Variants in PRPF4 observed in about 807,000 individuals in gnomAD.
PRPF4 encodes the protein U4/U6 small nuclear ribonucleoprotein Prp4.
A neutral mutation model predicts 72.2 loss-of-function variants in PRPF4; 14 were observed. The ratio of observed to expected loss-of-function variants is 0.19; its 90% CI spans 0.13 to 0.30. The LOEUF is 0.30. Ranked by LOEUF, PRPF4 falls within the 10% of genes least tolerant of loss-of-function variation. The pLI, the probability that PRPF4 is intolerant of heterozygous loss-of-function variation, is 1.00. For missense variants in PRPF4, 478 were observed against 653.9 expected (o/e 0.73, Z 2.93); for synonymous variants, 225 against 232.2 (o/e 0.97, Z 0.28).
intron 7 of PRPF4, among the ~76,000 whole-genome samples, chr9:113,285,978 A>C (rs1468330649): frequency 1.3e-5 from 2 of 152,164 alleles, no homozygotes; most frequent in African/African-American, 4.8e-5. Context: ...CTTCCCTCAC[A>C]AGTGGATCCA....
intron 13 of PRPF4, 32 bp from the exon 14 acceptor site, chr9:113,291,435 C>G: frequency 6.4e-7 from 1 of 1,565,288 alleles, no homozygotes; most frequent in Non-Finnish European, 8.7e-7. Flanking sequence ...TACTTGAATT[C>G]CTCAAGCAAT....
rs1348970498 is a variant in PRPF4, at chr9:113,292,668, A to C, written c.*1008A>C. The C allele has an allele frequency of 6.6e-6, 1 of 152,208 alleles. No individual in the cohort carries two copies. Among genetic ancestry groups the C allele is most frequent in the African/African-American group, 2.4e-5 (1 of 41,446 alleles). The allele number at this position is 152,208 out of a possible 1,614,324, so 9.4% of individuals were successfully genotyped here. ...AAGCAAAACCATTGTGTCAGGAGTCAAACAAATGTTTAGAAAGCAAACATG... is the reference window on the plus strand; with the variant it reads ...AAGCAAAACCATTGTGTCAGGAGTCCAACAAATGTTTAGAAAGCAAACATG... On this transcript the variant is annotated 3_prime_UTR_variant, in exon 14 of 14. Coordinates refer to ENST00000374198, the MANE Select transcript of PRPF4 (RefSeq NM_001244926.2).
chr9:113,286,621 T>A, intron 8 of PRPF4, 84 bp from the exon 9 acceptor site: 1 of 1,506,926 alleles, frequency 6.6e-7, no homozygotes, highest in Non-Finnish European at 9.2e-7. Context: ...TTGAATACTC[T>A]GTATGTCCAC....
intron 13 of PRPF4, 81 bp downstream of exon 13, chr9:113,291,097 C>T: frequency 7.4e-7 from 1 of 1,354,394 alleles, no homozygotes; most frequent in South Asian, 1.2e-5. Context: ...CAGGCTTTAG[C>T]TTAACTGAGC....
Position 113,286,811 on chromosome 9 carries a change from G to C in PRPF4, c.915G>C (p.Lys305Asn). ...LASCAADGSVKLWSLDSDEPV... is the reference protein window; with the variant it reads ...LASCAADGSVNLWSLDSDEPV... ...CTTGTGCGGCTGATGGCTCTGTGAA[G>C]CTTTGGAGTCTCGACAGGTGAATAT... is the stretch of plus-strand genomic sequence containing the variant. Residue 305 changes from lysine (K) to asparagine (N), a missense_variant, in exon 9 of 14, where the codon AAG (lysine) becomes AAC (asparagine). By Grantham distance (94) the Lys-to-Asn change is moderately conservative (BLOSUM62 0). Transcript: ENST00000374198. 1.2e-6 allele frequency: 2 copies of C among 1,614,204 alleles called. No individual in the cohort carries two copies. Among genetic ancestry groups the C allele is most frequent in the South Asian group, 2.2e-5 (2 of 91,082 alleles).
At position 113,291,777 on chromosome 9, in the gene PRPF4, C is replaced by A; in HGVS notation, c.*117C>A. 2 of 1,023,892 alleles carry A rather than the reference C, an allele frequency of 2.0e-6. No individual in the cohort carries two copies. The highest frequency in any genetic ancestry group is 2.8e-6 in the Non-Finnish European group (2 of 721,194). The allele number at this position is 1,023,892 out of a possible 1,614,324, so 63.4% of individuals were successfully genotyped here. On this transcript the variant is annotated 3_prime_UTR_variant, in exon 14 of 14. Transcript: ENST00000374198. ...TTTTCTGCCAATTACCATGCATAGA[C>A]CCTCAGTAGAATTGGATTTCCATGT...
At chr9:113,275,875 TGAG>T in intron 1 of PRPF4, 105 bp downstream of exon 1, 1 of 1,480,850 alleles carries the variant, frequency 6.8e-7, no homozygotes, top group Non-Finnish European at 9.2e-7. Flanking sequence ...GGTGGAGGGC[TGAG>T]GAGGAAGGCT....
intron 2 of PRPF4, among the ~76,000 whole-genome samples, chr9:113,277,168 TATC>T (rs1230966509): frequency 6.6e-6 from 1 of 152,104 alleles, no homozygotes; most frequent in Non-Finnish European, 1.5e-5. Context: ...ACCCCCTTAT[TATC>T]ATGCAGAGAG....
chr9:113,286,417 T>G lies in PRPF4; in HGVS notation c.808+127T>G, dbSNP rs956832992. The G allele has an allele frequency of 3.8e-5, 39 of 1,015,820 alleles. No individual in the cohort carries two copies. The Admixed American group carries it at 7.3e-4, about 19-fold the overall frequency. 62.9% of individuals were successfully genotyped at this position (1,015,820 alleles called of 1,614,324 possible). A position where few individuals can be genotyped will look rare whatever the true frequency, so the allele number is the denominator to read the frequency against. On this transcript the variant is annotated intron_variant, in intron 8 of 13. Coordinates refer to ENST00000374198, the MANE Select transcript of PRPF4 (RefSeq NM_001244926.2). ...TCCTTGATTTGATTTGACTTGGTTTTCTCTGGCTGCAAGACTGGACTATCA... is the reference window on the plus strand; with the variant it reads ...TCCTTGATTTGATTTGACTTGGTTTGCTCTGGCTGCAAGACTGGACTATCA...
At position 113,276,581 on chromosome 9, in the gene PRPF4, G is replaced by A; in HGVS notation, c.61G>A (p.Ala21Thr). ...AACTAAAGCACCCGACGACTTAGTT[G>A]CTCCGGTCGTGAAGAAACCACACAT... is the stretch of plus-strand genomic sequence containing the variant. ...TKTKAPDDLV[A>T]PVVKKPHIYY... The change falls in exon 2 of 14, where the codon GCT becomes ACT. Residue 21 changes from alanine to threonine, a missense_variant. Transcript: ENST00000374198. 1 of 1,614,182 alleles carries A rather than the reference G, an allele frequency of 6.2e-7. No individual in the cohort carries two copies. Among genetic ancestry groups the A allele is most frequent in the African/African-American group, 1.3e-5 (1 of 75,038 alleles).
At chr9:113,277,486 A>G (rs569364067) in intron 2 of PRPF4, among the ~76,000 whole-genome samples, 1 of 152,016 alleles carries the variant, frequency 6.6e-6, no homozygotes, top group South Asian at 2.1e-4. Context: ...TTTGTGTTCA[A>G]GGGATTCTCC....
intron 8 of PRPF4, 87 bp downstream of exon 8, chr9:113,286,377 TA>T (rs1832450109): frequency 5.8e-6 from 7 of 1,213,372 alleles, no homozygotes; most frequent in Middle Eastern, 1.9e-4. Context: ...TCAGACCCCA[TA>T]CACACAGCAT....
At position 113,286,930 on chromosome 9, in the gene PRPF4, G is replaced by A. The variant is rs550469458; in HGVS notation, c.932+102G>A. Reference sequence around the variant, plus strand: ...TAAAAATCTGGCATTTAGGCCATGCGCAGTGGCTCACACCTTAAGGCTGAG... The same window carrying A: ...TAAAAATCTGGCATTTAGGCCATGCACAGTGGCTCACACCTTAAGGCTGAG... On this transcript the variant is annotated intron_variant, in intron 9 of 13. Coordinates refer to ENST00000374198, the MANE Select transcript of PRPF4 (RefSeq NM_001244926.2). 1.2e-5 allele frequency: 18 copies of A among 1,536,530 alleles called. No individual in the cohort carries two copies. In the East Asian group the frequency reaches 1.4e-4, roughly 12 times the overall value.
chr9:113,291,100 A>G (rs1832596533), intron 13 of PRPF4, 84 bp downstream of exon 13: 2 of 1,342,054 alleles, frequency 1.5e-6, no homozygotes, highest in Non-Finnish European at 2.1e-6. Flanking sequence ...GCTTTAGCTT[A>G]ACTGAGCAGT....
intron 7 of PRPF4, among the ~76,000 whole-genome samples, chr9:113,284,910 G>A (rs1190981104): frequency 4.6e-5 from 7 of 152,080 alleles, no homozygotes; most frequent in Admixed American, 4.6e-4. Context: ...TCAGGATGTG[G>A]TAACTTTGTT....
At chr9:113,290,365 GA>G in intron 10 of PRPF4, 100 bp from the exon 11 acceptor site, 4 of 1,508,756 alleles carry the variant, frequency 2.7e-6, no homozygotes. Context: ...AATAGTTTCA[GA>G]AGCATTAATA....
At chr9:113,282,073 T>C (rs1489525982) in intron 3 of PRPF4, among the ~76,000 whole-genome samples, 1 of 152,118 alleles carries the variant, frequency 6.6e-6, no homozygotes, top group Non-Finnish European at 1.5e-5. Context: ...CTCTAAACTG[T>C]ATAGAGTAAT....
chr9:113,282,835 G>A, intron 4 of PRPF4, 102 bp downstream of exon 4: 1 of 1,133,490 alleles, frequency 8.8e-7, no homozygotes, highest in Non-Finnish European at 1.3e-6. Context: ...GATGTTGGGG[G>A]AAATGTTTTT....
At chr9:113,286,607 T>C (rs1832455993) in intron 8 of PRPF4, 98 bp from the exon 9 acceptor site, 2 of 1,371,958 alleles carry the variant, frequency 1.5e-6, no homozygotes, top group Non-Finnish European at 2.0e-6. Context: ...AGTTGAATAG[T>C]CACTTGAATA....
Sources: allele counts gnomAD v4.1 joint callset (sites outside exome capture counted in the v4.1 genomes callset), GRCh38; gene constraint gnomAD v4.1.1; transcripts MANE v1.5; gene names NCBI Gene and HGNC (gene_info 2026-07-23, HGNC 2026-07-21).